Variants in GRID2 observed in about 807,000 individuals in gnomAD.
GRID2 encodes glutamate receptor ionotropic, delta-2.
GRID2 carries 33 observed loss-of-function variants against 114.8 expected under a neutral mutation model. The ratio of observed to expected loss-of-function variants is 0.29; its 90% CI spans 0.22 to 0.38. The LOEUF is 0.38. Among genes scored for constraint, GRID2 ranks in the 10% least tolerant of loss-of-function variants. The pLI is 1.00. For missense variants in GRID2, 1,184 were observed against 1,257.7 expected, an observed-to-expected ratio of 0.94 and a Z score of 0.89; for synonymous variants, 505 against 449.9, an observed-to-expected ratio of 1.12 and a Z score of -1.55.
rs189101860 is a variant in GRID2 at position 92,653,262 on chromosome 4, G to A, written c.244+62976G>A. Reference sequence around the variant, plus strand: ...ATCCAGCCCCGCTCGGCCTCCCAAAGTGCTAGGATTACAGGTGTGAGCCAT... The same window carrying A: ...ATCCAGCCCCGCTCGGCCTCCCAAAATGCTAGGATTACAGGTGTGAGCCAT... On this transcript the variant is annotated intron_variant, in intron 2 of 15. Transcript: ENST00000282020. 3.0e-4 allele frequency among the ~76,000 whole-genome samples: 45 copies of A among 150,406 alleles called. 1 individual carries two copies. In the East Asian group the frequency reaches 5.4e-3, roughly 18 times the overall value.
At chr4:93,007,907 G>T (rs1420951521) in intron 2 of GRID2, among the ~76,000 whole-genome samples, 1 of 151,756 alleles carries the variant, frequency 6.6e-6, no homozygotes, top group Non-Finnish European at 1.5e-5. Context: ...TGGCCATCAT[G>T]GTGGGCACCT....
At chr4:92,450,574 T>C (rs1720856039) in intron 1 of GRID2, among the ~76,000 whole-genome samples, 1 of 152,088 alleles carries the variant, frequency 6.6e-6, no homozygotes, top group Admixed American at 6.6e-5. Context: ...CTTCACTTTG[T>C]GTTTTATTTT....
chr4:93,492,379 A>T (rs1463946842), intron 12 of GRID2, among the ~76,000 whole-genome samples: 2 of 151,888 alleles, frequency 1.3e-5, no homozygotes. Context: ...CTAGTAAGTG[A>T]CTGAGTAAAG....
intron 2 of GRID2, among the ~76,000 whole-genome samples, chr4:93,034,509 G>A (rs1724734228): frequency 6.6e-6 from 1 of 151,974 alleles, no homozygotes; most frequent in South Asian, 2.1e-4. Context: ...TTTCTCAGGT[G>A]TTATACTGCC....
chr4:92,320,188 T>A (rs1726236316), intron 1 of GRID2, among the ~76,000 whole-genome samples: 1 of 152,106 alleles, frequency 6.6e-6, no homozygotes, highest in Non-Finnish European at 1.5e-5. Flanking sequence ...TTCACAATGA[T>A]CCCCTTTCCT....
intron 2 of GRID2, among the ~76,000 whole-genome samples, chr4:92,933,793 C>T (rs1000657571): frequency 2.9e-4 from 44 of 151,518 alleles, no homozygotes; most frequent in Non-Finnish European, 1.6e-4. Context: ...CTTTTCCTTG[C>T]TGTTTTCTAA....
chr4:93,725,229 C>A (rs1197874277), intron 14 of GRID2, among the ~76,000 whole-genome samples: 1 of 152,004 alleles, frequency 6.6e-6, no homozygotes, highest in Non-Finnish European at 1.5e-5. Context: ...TGAGAACATG[C>A]GGTGTTTGGT....
chr4:92,610,421 A>G (rs1375093451), intron 2 of GRID2, among the ~76,000 whole-genome samples: 1 of 151,608 alleles, frequency 6.6e-6, no homozygotes, highest in Non-Finnish European at 1.5e-5. Context: ...TAACGATCAT[A>G]CCTGTCTCTA....
intron 3 of GRID2, among the ~76,000 whole-genome samples, chr4:93,085,716 A>G (rs1055635337): frequency 6.6e-6 from 1 of 152,170 alleles, no homozygotes; most frequent in African/African-American, 2.4e-5. Flanking sequence ...AATCTGAAAA[A>G]TCTTGCTTAC....
At chr4:93,151,993 A>G (rs1033416718) in intron 4 of GRID2, among the ~76,000 whole-genome samples, 1 of 152,072 alleles carries the variant, frequency 6.6e-6, no homozygotes, top group Non-Finnish European at 1.5e-5. Context: ...TGTTTAATTT[A>G]TTTTTGCCTG....
intron 8 of GRID2, chr4:93,302,660 C>T (rs1161811386): frequency 2.2e-6 from 1 of 445,258 alleles, no homozygotes; most frequent in Non-Finnish European, 4.5e-6. Flanking sequence ...GTATAAAAAC[C>T]TAATTTTCTG....
intron 2 of GRID2, among the ~76,000 whole-genome samples, chr4:92,991,543 G>A (rs1416303226): frequency 6.6e-6 from 1 of 152,202 alleles, no homozygotes; most frequent in Non-Finnish European, 1.5e-5. Flanking sequence ...TGAATCGAAT[G>A]TCTCAAGTTG....
At chr4:92,443,096 T>C (rs564075856) in intron 1 of GRID2, among the ~76,000 whole-genome samples, 8 of 152,170 alleles carry the variant, frequency 5.3e-5, no homozygotes, top group African/African-American at 1.7e-4. Flanking sequence ...GGGTTGGTAC[T>C]GAGGGGACAG....
chr4:92,969,579 T>A (rs12510452), intron 2 of GRID2, among the ~76,000 whole-genome samples: 92,246 of 151,256 alleles, frequency 0.61, 29,634 homozygotes, highest in African/African-American at 0.8. Flanking sequence ...GCTGTAATGG[T>A]TTTACATGCA....
intron 1 of GRID2, among the ~76,000 whole-genome samples, chr4:92,582,086 A>G (rs1010648036): frequency 6.6e-6 from 1 of 152,132 alleles, no homozygotes. Context: ...AGCACTAGAC[A>G]GTGGAAAATA....
At chr4:92,957,260 A>T (rs996613127) in intron 2 of GRID2, among the ~76,000 whole-genome samples, 1 of 151,672 alleles carries the variant, frequency 6.6e-6, no homozygotes, top group Non-Finnish European at 1.5e-5. Flanking sequence ...TTTCTATGTT[A>T]TGTTGTAGGA....
At chr4:93,023,713 T>A (rs1348798821) in intron 2 of GRID2, among the ~76,000 whole-genome samples, 1 of 151,880 alleles carries the variant, frequency 6.6e-6, no homozygotes, top group Non-Finnish European at 1.5e-5. Context: ...CTACTTTTAC[T>A]TTTCCTTAAA....
intron 2 of GRID2, among the ~76,000 whole-genome samples, chr4:92,741,659 C>T (rs909274369): frequency 1.3e-5 from 2 of 152,116 alleles, no homozygotes; most frequent in African/African-American, 4.8e-5. Flanking sequence ...TGTCTATGTC[C>T]CCCAACTCTA....
intron 1 of GRID2, among the ~76,000 whole-genome samples, chr4:92,486,546 T>TACAC (rs1722896536): frequency 5.2e-5 from 4 of 76,704 alleles, no homozygotes; most frequent in Non-Finnish European, 8.1e-5. Context: ...CTCTCTCTCT[T>TACAC]TCACACACAC....
Sources: allele counts gnomAD v4.1 joint callset (sites outside exome capture counted in the v4.1 genomes callset), GRCh38; gene constraint gnomAD v4.1.1; transcripts MANE v1.5; gene names NCBI Gene and HGNC (gene_info 2026-07-23, HGNC 2026-07-21).